The following GBE1 variants were observed in gnomAD, a reference collection of about 807,000 sequenced individuals.
GBE1 encodes 1,4-alpha-glucan-branching enzyme.
Under a neutral mutation model 88.8 loss-of-function variants are expected in GBE1, and 70 were observed. That is an observed-to-expected ratio of 0.79 (90% CI 0.65 to 0.96). GBE1 has a LOEUF of 0.96. Among genes scored for constraint, GBE1 ranks in the 40% least tolerant of loss-of-function variants. The pLI is 0.00. For synonymous variants in GBE1, 284 were observed against 300.1 expected (o/e 0.95, Z 0.56); for missense variants, 872 against 871.0 (o/e 1.00, Z -0.01).
chr3:81,593,943 C>G lies in GBE1; in HGVS notation c.1073G>C (p.Gly358Ala), dbSNP rs770247431. 11 of 1,582,132 alleles carry G rather than the reference C, an allele frequency of 7.0e-6. No homozygotes were observed. In the South Asian group the frequency reaches 1.3e-4, roughly 18 times the overall value. ...EYRFDGFRFD[G>A]VTSMLYHHHG... Reference sequence around the variant, plus strand: ...GTGATGATAAAGCATGGACGTAACACCATCAAAACGAAATCCATCAAAGCG... The same window carrying G: ...GTGATGATAAAGCATGGACGTAACAGCATCAAAACGAAATCCATCAAAGCG... Residue 358 changes from glycine to alanine, a missense_variant, in exon 8 of 16, where the codon GGT (glycine) becomes GCT (alanine). Physicochemically the swap from Gly to Ala is moderately conservative, Grantham distance 60. Transcript: ENST00000429644.
In GBE1 at chr3:81,756,662, T is replaced by C. The variant is rs73853486; in HGVS notation, c.143+4713A>G. 5.1e-3 allele frequency among the ~76,000 whole-genome samples: 771 copies of C among 152,218 alleles called. 2 individuals carry two copies. The highest frequency in any genetic ancestry group is 0.018 in the African/African-American group (737 of 41,536). On this transcript the variant is annotated intron_variant, in intron 1 of 15. Coordinates refer to ENST00000429644, the MANE Select transcript of GBE1 (RefSeq NM_000158.4). ...CCCCTCAACCAGCCCAGAAGAAGCT[T>C]TGAGACAGGGCGAAGTCAGAGAAGG...
chr3:81,536,161 C>T (rs1333772201), intron 13 of GBE1, among the ~76,000 whole-genome samples: 2 of 151,602 alleles, frequency 1.3e-5, no homozygotes, highest in African/African-American at 2.4e-5. Flanking sequence ...TTAGGGCATT[C>T]GTGTCATGGA....
At chr3:81,664,346 T>C (rs1440073268) in intron 3 of GBE1, among the ~76,000 whole-genome samples, 2 of 150,394 alleles carry the variant, frequency 1.3e-5, no homozygotes, top group Non-Finnish European at 2.9e-5. Context: ...TGAGCAAAGC[T>C]GGAGGCAGAA....
intron 14 of GBE1, among the ~76,000 whole-genome samples, chr3:81,514,703 T>C (rs947363139): frequency 1.3e-5 from 2 of 151,774 alleles, no homozygotes; most frequent in Middle Eastern, 6.8e-3. Flanking sequence ...TTATATCACA[T>C]CTTAATTTTA....
At chr3:81,624,730 T>C (rs973201992) in intron 7 of GBE1, among the ~76,000 whole-genome samples, 4 of 152,236 alleles carry the variant, frequency 2.6e-5, no homozygotes, top group African/African-American at 9.6e-5. Context: ...TTCATATCTA[T>C]AAGGTAACAT....
At chr3:81,754,651 G>C (rs1429674456) in intron 1 of GBE1, among the ~76,000 whole-genome samples, 1 of 152,066 alleles carries the variant, frequency 6.6e-6, no homozygotes, top group Non-Finnish European at 1.5e-5. Flanking sequence ...GAACAGAATG[G>C]AGAACTCAGA....
chr3:81,590,461 C>T (rs1703862048), intron 9 of GBE1, among the ~76,000 whole-genome samples: 1 of 151,842 alleles, frequency 6.6e-6, no homozygotes, highest in African/African-American at 2.4e-5. Context: ...ACATTTATCA[C>T]CAAGAGGGGA....
intron 14 of GBE1, among the ~76,000 whole-genome samples, chr3:81,516,412 GA>G (rs1204313089): frequency 1.3e-4 from 19 of 151,558 alleles, no homozygotes; most frequent in African/African-American, 4.1e-4. Context: ...CTATTTCTCA[GA>G]AAAAAGATTC....
intron 7 of GBE1, among the ~76,000 whole-genome samples, chr3:81,635,385 G>C (rs970247003): frequency 6.6e-6 from 1 of 152,006 alleles, no homozygotes; most frequent in Non-Finnish European, 1.5e-5. Context: ...ATGGGAATAA[G>C]GTCCTCAAAA....
In GBE1 at chr3:81,586,158, T is replaced by G. The variant is rs761411960; in HGVS notation, c.1269A>C (p.Pro423=). 6.2e-7 allele frequency: 1 copy of G among 1,609,120 alleles called. No homozygotes were observed. Among genetic ancestry groups the G allele is most frequent in the South Asian group, 1.1e-5 (1 of 89,756 alleles). The change falls in exon 10 of 16, where the codon CCA becomes CCC. Residue 423 remains proline (P), a synonymous_variant. Coordinates refer to ENST00000429644, the MANE Select transcript of GBE1 (RefSeq NM_000158.4). ...DVSGMPALCS[P]ISQGGGGFDY... is the part of the protein sequence containing the mutation. ...CAAAACCACCCCCTCCCTGGGAAAT[T>G]GGAGAGCACAGAGCTGGCATTCCTG...
intron 7 of GBE1, among the ~76,000 whole-genome samples, chr3:81,623,898 T>G (rs868309623): frequency 9.2e-5 from 14 of 152,166 alleles, no homozygotes; most frequent in African/African-American, 2.7e-4. Flanking sequence ...CTTGAACTCC[T>G]GACCTCAAGC....
At position 81,630,458 on chromosome 3, in the gene GBE1, C is replaced by T. The variant is rs142349654; in HGVS notation, c.992+12323G>A. Among the ~76,000 whole-genome samples the T allele has an allele frequency of 3.0e-4, 46 of 152,236 alleles. 1 individual carries two copies. Among genetic ancestry groups the T allele is most frequent in the African/African-American group, 8.7e-4 (36 of 41,550 alleles). On this transcript the variant is annotated intron_variant, in intron 7 of 15. Transcript: ENST00000429644. ...AAGAGCCCGCATTGCCAAGTCAATCCTAAGCCAAAAGAACAAAGCTGGAGG... is the reference window on the plus strand; with the variant it reads ...AAGAGCCCGCATTGCCAAGTCAATCTTAAGCCAAAAGAACAAAGCTGGAGG...
intron 1 of GBE1, among the ~76,000 whole-genome samples, chr3:81,706,004 G>T (rs562468230): frequency 1.3e-5 from 2 of 152,132 alleles, no homozygotes; most frequent in South Asian, 4.1e-4. Flanking sequence ...AATTCAGCAA[G>T]AAAAATAAAA....
rs1031322958 is a variant in GBE1, at chr3:81,656,235, G to A, written c.430-6314C>T. 2.6e-5 allele frequency among the ~76,000 whole-genome samples: 4 copies of A among 152,236 alleles called. No homozygotes were observed. The East Asian group carries it at 5.8e-4, about 22-fold the overall frequency. Reference sequence around the variant, plus strand: ...CAGATGTGATTAAAGTACAAATCTGGAAATGGAGAGATTCTTACTCCATTT... The same window carrying A: ...CAGATGTGATTAAAGTACAAATCTGAAAATGGAGAGATTCTTACTCCATTT... On this transcript the variant is annotated intron_variant, in intron 3 of 15. Transcript: ENST00000429644.
At position 81,552,503 on chromosome 3, in the gene GBE1, C is replaced by A. The variant is rs192854262; in HGVS notation, c.1619-15408G>T. Among the ~76,000 whole-genome samples, 194 of 113,668 alleles carry A rather than the reference C, an allele frequency of 1.7e-3. 1 individual carries two copies. Among genetic ancestry groups the A allele is most frequent in the Non-Finnish European group, 1.8e-3 (108 of 60,970 alleles). The allele number at this position is 113,668 out of a possible 152,430, so 74.6% of individuals were successfully genotyped here. On this transcript the variant is annotated intron_variant, in intron 12 of 15. Coordinates refer to ENST00000429644, the MANE Select transcript of GBE1 (RefSeq NM_000158.4). The stretch of plus-strand genomic sequence containing the variant: ...CTGCACTCCAGCCTGGGAGACAGAG[C>A]AAGGCTCTATCTTATATAAAAAAAA...
chr3:81,616,564 C>T (rs1213502194), intron 7 of GBE1, among the ~76,000 whole-genome samples: 1 of 152,024 alleles, frequency 6.6e-6, no homozygotes, highest in Non-Finnish European at 1.5e-5. Flanking sequence ...TATGTCTATC[C>T]CTCCACTGAT....
chr3:81,565,624 A>C (rs1476813336), intron 12 of GBE1, among the ~76,000 whole-genome samples: 1 of 152,188 alleles, frequency 6.6e-6, no homozygotes, highest in African/African-American at 2.4e-5. Context: ...ATACAATATA[A>C]TTATATTGAG....
At chr3:81,578,222 T>A in intron 11 of GBE1, 126 bp from the exon 12 acceptor site, 1 of 651,794 alleles carries the variant, frequency 1.5e-6, no homozygotes, top group Non-Finnish European at 2.4e-6. Context: ...AGATTAATAT[T>A]AATTTCAGGT....
rs564448939 is a variant in GBE1, at chr3:81,614,304, C to T, written c.993-20281G>A. ...AATCTAATCTAGGGGGGGAAAAAAC[C>T]CTACCATAATTTCTGAACTGCGAAA... is the stretch of plus-strand genomic sequence containing the variant. On this transcript the variant is annotated intron_variant, in intron 7 of 15. Coordinates refer to ENST00000429644, the MANE Select transcript of GBE1 (RefSeq NM_000158.4). 2.0e-5 allele frequency among the ~76,000 whole-genome samples: 3 copies of T among 152,108 alleles called. 1 individual carries two copies. Among genetic ancestry groups the T allele is most frequent in the Non-Finnish European group, 4.4e-5 (3 of 68,022 alleles).
Sources: allele counts gnomAD v4.1 joint callset (sites outside exome capture counted in the v4.1 genomes callset), GRCh38; gene constraint gnomAD v4.1.1; transcripts MANE v1.5; gene names NCBI Gene and HGNC (gene_info 2026-07-23, HGNC 2026-07-21).